AGPAT4: variants seen among roughly 807,000 people sequenced by gnomAD.
The protein encoded by AGPAT4 is 1-acylglycerol-3-phosphate O-acyltransferase 4, also known as 1-acyl-sn-glycerol-3-phosphate acyltransferase delta.
AGPAT4 carries 15 observed loss-of-function variants against 48.0 expected under a neutral mutation model. That is an observed-to-expected ratio of 0.31 (90% confidence interval 0.21 to 0.48). AGPAT4 has a LOEUF of 0.48. Ranked by LOEUF, AGPAT4 falls within the 20% of genes least tolerant of loss-of-function variation. The pLI, the probability that AGPAT4 is intolerant of heterozygous loss-of-function variation, is 0.99. For synonymous variants in AGPAT4, 178 were observed against 198.7 expected (o/e 0.90, Z 0.88); for missense variants, 314 against 482.5 (o/e 0.65, Z 3.27).
rs769196894 is a variant in AGPAT4, at chr6:161,201,787, C to G, written c.178+30249G>C. ...TCTCAGCTCTTAAGATACATTGGCTCTCTTCATTCTCTAACCAGTGCAAGA... is the reference window on the plus strand; with the variant it reads ...TCTCAGCTCTTAAGATACATTGGCTGTCTTCATTCTCTAACCAGTGCAAGA... On this transcript the variant is annotated intron_variant, in intron 2 of 8. Coordinates refer to ENST00000320285, the MANE Select transcript of AGPAT4 (RefSeq NM_020133.3). This position sits in a 1 kb window ranked among gnomAD's most constrained non-coding sequence, Gnocchi z 6.0. 3.2e-4 allele frequency among the ~76,000 whole-genome samples: 49 copies of G among 152,220 alleles called. No individual in the cohort carries two copies. Among genetic ancestry groups the G allele is most frequent in the Non-Finnish European group, 6.6e-4 (45 of 68,032 alleles).
Position 161,198,542 on chromosome 6 carries a change from CAA to C in AGPAT4, c.179-32127_179-32126del, listed in dbSNP as rs1781131493. 6.6e-6 allele frequency among the ~76,000 whole-genome samples: 1 copy of C among 152,230 alleles called. No individual in the cohort carries two copies. The highest frequency in any genetic ancestry group is 1.5e-5 in the Non-Finnish European group (1 of 68,050). ...ACAGTGAGAAAAATAAACCAGGTGG[CAA>C]ACACTACCTTTATGGTAGAATTTAG... On this transcript the variant is annotated intron_variant, in intron 2 of 8. Transcript: ENST00000320285. This position sits in a 1 kb window ranked among gnomAD's most constrained non-coding sequence, Gnocchi z 4.3.
In AGPAT4 at chr6:161,159,851, G is replaced by T. The variant is rs1029328088; in HGVS notation, c.349-5541C>A. Among the ~76,000 whole-genome samples, 12 of 151,806 alleles carry T rather than the reference G, an allele frequency of 7.9e-5. No homozygotes were observed. Among genetic ancestry groups the T allele is most frequent in the Admixed American group, 7.9e-4 (12 of 15,228 alleles). On this transcript the variant is annotated intron_variant, in intron 3 of 8. Coordinates refer to ENST00000320285, the MANE Select transcript of AGPAT4 (RefSeq NM_020133.3). This position sits in a 1 kb window ranked among gnomAD's most constrained non-coding sequence, Gnocchi z 4.1. ...GTAGAGACGGGGTTTCACCATGTTG[G>T]CTAGTCTGGTCTCGAACTCCTGACC...
chr6:161,156,125 A>G (rs1057145083), intron 3 of AGPAT4, among the ~76,000 whole-genome samples: 2 of 152,200 alleles, frequency 1.3e-5, no homozygotes, highest in Non-Finnish European at 2.9e-5. Context: ...CTGGGATGGG[A>G]GTCTCTATCT....
Position 161,231,655 on chromosome 6 carries a change from T to A in AGPAT4, c.178+381A>T, listed in dbSNP as rs902272701. Among the ~76,000 whole-genome samples the A allele has an allele frequency of 3.3e-5, 5 of 152,216 alleles. No individual in the cohort carries two copies. Among genetic ancestry groups the A allele is most frequent in the Non-Finnish European group, 5.9e-5 (4 of 68,046 alleles). On this transcript the variant is annotated intron_variant, in intron 2 of 8. Transcript: ENST00000320285. The surrounding 1 kb of genome is among the most constrained non-coding windows in gnomAD (Gnocchi z 5.3). ...TTAAAAAAAAATACGTATGTATATGTATCTATATAGATATATACACAGAAA... is the reference window on the plus strand; with the variant it reads ...TTAAAAAAAAATACGTATGTATATGAATCTATATAGATATATACACAGAAA...
At chr6:161,239,239 T>C (rs1310426600) in intron 1 of AGPAT4, among the ~76,000 whole-genome samples, 1 of 152,118 alleles carries the variant, frequency 6.6e-6, no homozygotes. Context: ...GGTGAAAACA[T>C]AAGCAAATGA....
In AGPAT4 at chr6:161,232,705, G is replaced by A. The variant is rs1455434659; in HGVS notation, c.-89-403C>T. On this transcript the variant is annotated intron_variant, in intron 1 of 8. Transcript: ENST00000320285. This position sits in a 1 kb window ranked among gnomAD's most constrained non-coding sequence, Gnocchi z 6.8. Reference sequence around the variant, plus strand: ...CGGCCTCCCCTCCTGCTGCCATCGCGGCCTGAGCCCCATTCTCTCACCCCT... The same window carrying A: ...CGGCCTCCCCTCCTGCTGCCATCGCAGCCTGAGCCCCATTCTCTCACCCCT... Among the ~76,000 whole-genome samples the A allele has an allele frequency of 3.3e-5, 5 of 152,056 alleles. No homozygotes were observed. In the South Asian group the frequency reaches 6.2e-4, roughly 19 times the overall value.
At position 161,158,426 on chromosome 6, in the gene AGPAT4, G is replaced by T. The variant is rs2114971004; in HGVS notation, c.349-4116C>A. ...ATGAGTTAGATGTATCAACAGATCT[G>T]TCTAGATACAAGCATATTTAGACAA... On this transcript the variant is annotated intron_variant, in intron 3 of 8. Transcript: ENST00000320285. This position sits in a 1 kb window ranked among gnomAD's most constrained non-coding sequence, Gnocchi z 5.3. Among the ~76,000 whole-genome samples the T allele has an allele frequency of 1.3e-5, 2 of 152,344 alleles. No homozygotes were observed. Among genetic ancestry groups the T allele is most frequent in the Middle Eastern group, 3.4e-3 (1 of 294 alleles).
chr6:161,208,010 A>C lies in AGPAT4; in HGVS notation c.178+24026T>G, dbSNP rs1398128374. On this transcript the variant is annotated intron_variant, in intron 2 of 8. Transcript: ENST00000320285. This position sits in a 1 kb window ranked among gnomAD's most constrained non-coding sequence, Gnocchi z 4.6. ...CCTTTATCTTGGATATTCTTATGAG[A>C]GGTAGAACAATGAGAGCTGAGAGAG... is the stretch of plus-strand genomic sequence containing the variant. Among the ~76,000 whole-genome samples, 1 of 152,068 alleles carries C rather than the reference A, an allele frequency of 6.6e-6. No individual in the cohort carries two copies. The highest frequency in any genetic ancestry group is 6.6e-5 in the Admixed American group (1 of 15,266).
rs939999768 is a variant in AGPAT4 at position 161,238,314 on chromosome 6, G to A, written c.-89-6012C>T. 7.9e-5 allele frequency among the ~76,000 whole-genome samples: 12 copies of A among 152,192 alleles called. No individual in the cohort carries two copies. The highest frequency in any genetic ancestry group is 1.8e-4 in the Non-Finnish European group (12 of 68,034). On this transcript the variant is annotated intron_variant, in intron 1 of 8. Coordinates refer to ENST00000320285, the MANE Select transcript of AGPAT4 (RefSeq NM_020133.3). This position sits in a 1 kb window ranked among gnomAD's most constrained non-coding sequence, Gnocchi z 5.2. ...AGTAAAGCATTGGAAACACTTGCCA[G>A]GATGCCTGGAACGGGGAAAACCCCA...
rs1781111334 is a variant in AGPAT4 at position 161,197,776 on chromosome 6, G to A, written c.179-31359C>T. On this transcript the variant is annotated intron_variant, in intron 2 of 8. Transcript: ENST00000320285. The surrounding 1 kb of genome is among the most constrained non-coding windows in gnomAD (Gnocchi z 5.7). ...GAGGTCACCCACAGAGGGCACCCAG[G>A]AGAGTTAAGTGCCTGCCGGAGTTCT... Among the ~76,000 whole-genome samples the A allele has an allele frequency of 6.6e-6, 1 of 152,182 alleles. No individual in the cohort carries two copies. Among genetic ancestry groups the A allele is most frequent in the Admixed American group, 6.5e-5 (1 of 15,280 alleles).
In AGPAT4 at chr6:161,238,204, T is replaced by C. The variant is rs1782357901; in HGVS notation, c.-89-5902A>G. Among the ~76,000 whole-genome samples, 1 of 152,166 alleles carries C rather than the reference T, an allele frequency of 6.6e-6. No homozygotes were observed. Among genetic ancestry groups the C allele is most frequent in the South Asian group, 2.1e-4 (1 of 4,836 alleles). On this transcript the variant is annotated intron_variant, in intron 1 of 8. Coordinates refer to ENST00000320285, the MANE Select transcript of AGPAT4 (RefSeq NM_020133.3). This position sits in a 1 kb window ranked among gnomAD's most constrained non-coding sequence, Gnocchi z 5.2. ...CTGGCCACTTTACAGCTATGGAAGT[T>C]GATTAACTTACTTGGCCCTCACTTT...
chr6:161,269,173 A>G (rs1783352326), intron 1 of AGPAT4, among the ~76,000 whole-genome samples: 1 of 152,170 alleles, frequency 6.6e-6, no homozygotes, highest in Admixed American at 6.5e-5. Context: ...TTCACTATGA[A>G]TGGGAACCTT....
intron 2 of AGPAT4, among the ~76,000 whole-genome samples, chr6:161,199,492 C>A (rs892397897): frequency 1.8e-4 from 28 of 152,190 alleles, no homozygotes; most frequent in African/African-American, 6.5e-4. Context: ...ATTCTGCTGC[C>A]CACAACAGCC....
chr6:161,145,002 T>G (rs4621614), intron 7 of AGPAT4, among the ~76,000 whole-genome samples: 26,589 of 150,980 alleles, frequency 0.18, 3,634 homozygotes, highest in African/African-American at 0.35. Context: ...ATAAAAAAAG[T>G]AACATTTTAT....
In AGPAT4 at chr6:161,136,519, G is replaced by A. The variant is rs374423171; in HGVS notation, c.*21C>T. ...CCACCAGTTCCCCAAGGTTCCCTTC[G>A]GATGGTGACACCTCCCTGAGTCAGT... On this transcript the variant is annotated 3_prime_UTR_variant, in exon 9 of 9. Transcript: ENST00000320285. The A allele has an allele frequency of 1.4e-4, 220 of 1,609,584 alleles. 1 individual carries two copies. In the Middle Eastern group the frequency reaches 1.5e-3, roughly 11 times the overall value.
intron 1 of AGPAT4, among the ~76,000 whole-genome samples, chr6:161,269,179 A>G (rs1187726915): frequency 6.6e-6 from 1 of 152,138 alleles, no homozygotes; most frequent in East Asian, 1.9e-4. Context: ...ATGAATGGGA[A>G]CCTTGAGAGA....
rs912836830 is a variant in AGPAT4, at chr6:161,221,685, G to T, written c.178+10351C>A. 1.3e-5 allele frequency among the ~76,000 whole-genome samples: 2 copies of T among 152,208 alleles called. No homozygotes were observed. The highest frequency in any genetic ancestry group is 4.8e-5 in the African/African-American group (2 of 41,468). The stretch of plus-strand genomic sequence containing the variant: ...TGAGTTCTGGATTCCAGGAACCTCA[G>T]ATCGGGGTGTTAGCAGGGTTGGTTC... On this transcript the variant is annotated intron_variant, in intron 2 of 8. Coordinates refer to ENST00000320285, the MANE Select transcript of AGPAT4 (RefSeq NM_020133.3). This position sits in a 1 kb window ranked among gnomAD's most constrained non-coding sequence, Gnocchi z 4.5.
rs2114950207 is a variant in AGPAT4 at position 161,139,220 on chromosome 6, C to T, written c.1042+202G>A. 6.6e-6 allele frequency among the ~76,000 whole-genome samples: 1 copy of T among 152,326 alleles called. No homozygotes were observed. The highest frequency in any genetic ancestry group is 1.5e-5 in the Non-Finnish European group (1 of 68,026). On this transcript the variant is annotated intron_variant, in intron 8 of 8. Transcript: ENST00000320285. The surrounding 1 kb of genome is among the most constrained non-coding windows in gnomAD (Gnocchi z 9.1). Reference sequence around the variant, plus strand: ...GCCCCAGGTGGGAGGCTGGACCGTCCAGGCTGCGGAGGGGGTCCCAGGCCT... The same window carrying T: ...GCCCCAGGTGGGAGGCTGGACCGTCTAGGCTGCGGAGGGGGTCCCAGGCCT...
Position 161,154,185 on chromosome 6 carries a change from A to T in AGPAT4, c.474T>A (p.Ser158Arg). 6.2e-7 allele frequency: 1 copy of T among 1,613,934 alleles called. No homozygotes were observed. Among genetic ancestry groups the T allele is most frequent in the Non-Finnish European group, 8.5e-7 (1 of 1,179,990 alleles). Residue 158 changes from serine (S) to arginine (R), a missense_variant, in exon 4 of 9, where the codon AGT (serine) becomes AGA (arginine). Transcript: ENST00000320285. The surrounding 1 kb of genome is among the most constrained non-coding windows in gnomAD (Gnocchi z 7.8). The stretch of plus-strand genomic sequence containing the variant: ...CGGGGTAGTCCCGGAGGTGCTGCAA[A>T]CTGGTGGCAACCGTCTTGCGATCCT... ...WEQDRKTVAT[S>R]LQHLRDYPEK...
Sources: allele counts gnomAD v4.1 joint callset (sites outside exome capture counted in the v4.1 genomes callset), GRCh38; gene constraint gnomAD v4.1.1; non-coding constraint Gnocchi (gnomAD v3.1); transcripts MANE v1.5; gene names NCBI Gene and HGNC (gene_info 2026-07-23, HGNC 2026-07-21).